The following OPCML variants were observed in gnomAD, a reference collection of about 807,000 sequenced individuals.
OPCML encodes the protein opioid binding protein/cell adhesion molecule like.
Under a neutral mutation model 37.8 loss-of-function variants are expected in OPCML, and 13 were observed. The observed-to-expected ratio is 0.34, with a 90% CI of 0.22 to 0.55. The LOEUF (loss-of-function observed/expected upper bound fraction) is 0.55, where lower values mean the gene tolerates loss of function less well. Among genes scored for constraint, OPCML ranks in the 20% least tolerant of loss-of-function variants. The pLI is 0.91. For missense variants in OPCML, 341 were observed against 435.6 expected, an observed-to-expected ratio of 0.78 and a Z score of 1.93; for synonymous variants, 176 against 168.8, an observed-to-expected ratio of 1.04 and a Z score of -0.33.
At chr11:132,806,147 T>C (rs562463936) in intron 2 of OPCML, among the ~76,000 whole-genome samples, 1 of 152,040 alleles carries the variant, frequency 6.6e-6, no homozygotes, top group East Asian at 1.9e-4. Context: ...AAATTGGCAA[T>C]CTAAAAATAC....
At chr11:133,327,289 T>C (rs1315651275) in intron 1 of OPCML, among the ~76,000 whole-genome samples, 1 of 151,842 alleles carries the variant, frequency 6.6e-6, no homozygotes, top group African/African-American at 2.4e-5. Flanking sequence ...GTGTTTTTCC[T>C]AAATGTCCAG....
chr11:133,363,839 T>G (rs1055813689), intron 1 of OPCML, among the ~76,000 whole-genome samples: 4 of 152,104 alleles, frequency 2.6e-5, no homozygotes, highest in Admixed American at 1.3e-4. Context: ...GAATTTCAGG[T>G]CACTTGTCTC....
At chr11:132,584,875 C>A (rs375432560) in intron 3 of OPCML, among the ~76,000 whole-genome samples, 1 of 152,202 alleles carries the variant, frequency 6.6e-6, no homozygotes, top group African/African-American at 2.4e-5. Context: ...CGACAGAAAA[C>A]AGAAAGTAGC....
intron 1 of OPCML, chr11:133,005,953 C>G (rs753518995): frequency 1.7e-5 from 17 of 985,432 alleles, no homozygotes; most frequent in Non-Finnish European, 1.8e-5. Flanking sequence ...ATGTGTGCAG[C>G]TTCCAGGACA....
chr11:132,944,016 G>A (rs552830143), intron 1 of OPCML, among the ~76,000 whole-genome samples: 110 of 152,034 alleles, frequency 7.2e-4, no homozygotes, highest in African/African-American at 2.6e-3. Context: ...CGGGCGGCGC[G>A]GACTGCGCGC....
intron 2 of OPCML, among the ~76,000 whole-genome samples, chr11:132,841,794 G>A (rs1941297039): frequency 7.7e-6 from 1 of 130,620 alleles, no homozygotes; most frequent in Non-Finnish European, 1.6e-5. Context: ...CTGGGAGCAA[G>A]AGGTTTCAGT....
intron 1 of OPCML, among the ~76,000 whole-genome samples, chr11:132,968,180 C>T (rs1946255876): frequency 6.6e-6 from 1 of 152,156 alleles, no homozygotes; most frequent in African/African-American, 2.4e-5. Flanking sequence ...ATTTCAAACT[C>T]CACTTGCTCA....
At chr11:132,805,464 A>C (rs917143589) in intron 2 of OPCML, among the ~76,000 whole-genome samples, 14 of 152,196 alleles carry the variant, frequency 9.2e-5, no homozygotes, top group African/African-American at 3.4e-4. Context: ...AGCAAACATG[A>C]AACAGAATAA....
intron 2 of OPCML, among the ~76,000 whole-genome samples, chr11:132,763,371 T>C (rs1166469057): frequency 6.6e-6 from 1 of 152,180 alleles, no homozygotes; most frequent in Non-Finnish European, 1.5e-5. Flanking sequence ...ATTAATATAT[T>C]ACAGGAGGAA....
intron 2 of OPCML, among the ~76,000 whole-genome samples, chr11:132,659,779 A>G (rs1341093952): frequency 5.9e-5 from 9 of 152,026 alleles, no homozygotes. Flanking sequence ...ACTCCTGATT[A>G]TCTGCTTTCA....
intron 2 of OPCML, among the ~76,000 whole-genome samples, chr11:132,880,850 C>T (rs567984307): frequency 6.6e-6 from 1 of 152,188 alleles, no homozygotes; most frequent in African/African-American, 2.4e-5. Flanking sequence ...CTGATCCCCA[C>T]GCAGGGTCTC....
In OPCML at chr11:132,691,853, A is replaced by G. The variant is rs374423555; in HGVS notation, c.147-34534T>C. Among the ~76,000 whole-genome samples, 369 of 152,346 alleles carry G rather than the reference A, an allele frequency of 2.4e-3. 2 individuals carry two copies. The highest frequency in any genetic ancestry group is 0.014 in the South Asian group (69 of 4,828). On this transcript the variant is annotated intron_variant, in intron 2 of 7. Transcript: ENST00000524381. ...GAAATCCATTTTTATGCTTGTGACC[A>G]GCTTAGGGTACTATTTCACAGAGGG...
chr11:132,637,078 G>T lies in OPCML; in HGVS notation c.379+20009C>A, dbSNP rs563026386. 4.6e-5 allele frequency among the ~76,000 whole-genome samples: 7 copies of T among 151,902 alleles called. No homozygotes were observed. In the East Asian group the frequency reaches 9.7e-4, roughly 21 times the overall value. ...ACCAAGATAGATGACTAGGTCAGGC[G>T]CATACTACCTATTTATATATTTTTT... On this transcript the variant is annotated intron_variant, in intron 3 of 7. Transcript: ENST00000524381.
chr11:132,472,046 GAACA>G (rs748415135), intron 4 of OPCML, among the ~76,000 whole-genome samples: 2 of 152,144 alleles, frequency 1.3e-5, no homozygotes, highest in Admixed American at 6.5e-5. Context: ...TTTTCCTGGT[GAACA>G]AATATTCCAC....
chr11:132,996,819 G>A (rs1946897269), intron 1 of OPCML, among the ~76,000 whole-genome samples: 1 of 152,146 alleles, frequency 6.6e-6, no homozygotes, highest in Non-Finnish European at 1.5e-5. Flanking sequence ...CAGTAGGGAA[G>A]ACAAGGATGT....
intron 1 of OPCML, among the ~76,000 whole-genome samples, chr11:132,950,951 T>C (rs557031771): frequency 1.3e-5 from 2 of 152,184 alleles, no homozygotes; most frequent in Non-Finnish European, 2.9e-5. Flanking sequence ...TCGAAGGACC[T>C]GGGTTTAAGA....
intron 3 of OPCML, among the ~76,000 whole-genome samples, chr11:132,639,658 T>G (rs1793279): frequency 0.61 from 92,974 of 152,160 alleles, 28,776 homozygotes; most frequent in African/African-American, 0.71. Flanking sequence ...GGCAAGTTGG[T>G]CTGGCCCTCA....
At chr11:132,717,623 T>C (rs1944538686) in intron 2 of OPCML, among the ~76,000 whole-genome samples, 1 of 152,176 alleles carries the variant, frequency 6.6e-6, no homozygotes, top group African/African-American at 2.4e-5. Flanking sequence ...AAGATTAACA[T>C]ATATCGTATT....
chr11:132,766,747 TA>T (rs36094670), intron 2 of OPCML, among the ~76,000 whole-genome samples: 3 of 149,764 alleles, frequency 2.0e-5, no homozygotes, highest in South Asian at 2.1e-4. Context: ...CTAAAACCAT[TA>T]AAAAAAAATG....
Sources: allele counts gnomAD v4.1 joint callset (sites outside exome capture counted in the v4.1 genomes callset), GRCh38; gene constraint gnomAD v4.1.1; transcripts MANE v1.5; gene names NCBI Gene and HGNC (gene_info 2026-07-23, HGNC 2026-07-21).